The following PKHD1L1 variants were observed in gnomAD, a reference collection of about 807,000 sequenced individuals.
PKHD1L1 encodes PKHD1 like 1.
In PKHD1L1, 434 loss-of-function variants were observed where a neutral mutation model predicts 462.9. The observed-to-expected ratio is 0.94, with a 90% CI of 0.87 to 1.02. The LOEUF is 1.02. Ranked by LOEUF, PKHD1L1 falls within the 50% of genes least tolerant of loss-of-function variation. The pLI is 0.00. For synonymous variants in PKHD1L1, 1,781 were observed against 1,750.0 expected, an observed-to-expected ratio of 1.02 and a Z score of -0.44; for missense variants, 5,202 against 5,096.1, an observed-to-expected ratio of 1.02 and a Z score of -0.63.
chr8:109,404,523 AG>A, intron 14 of PKHD1L1, 30 bp from the exon 15 acceptor site: 1 of 1,361,604 alleles, frequency 7.3e-7, no homozygotes, highest in Non-Finnish European at 9.8e-7. Context: ...TCTGGAAAAA[AG>A]TTATATTCAT....
rs72687022 is a variant in PKHD1L1 at position 109,452,281 on chromosome 8, G to C, written c.6507+1G>C. 2 of 1,597,116 alleles carry C rather than the reference G, an allele frequency of 1.3e-6. No homozygotes were observed. Among genetic ancestry groups the C allele is most frequent in the Non-Finnish European group, 1.7e-6 (2 of 1,169,794 alleles). ...CAGAGGTGTCGGCATGGCCAAACTG[G>C]TAATAGTGCTGTTGGGTATAGTAAT... On this transcript the variant is annotated splice_donor_variant, in intron 42 of 77. Transcript: ENST00000378402. LOFTEE classifies it high-confidence loss of function.
rs555757678 is a variant in PKHD1L1, at chr8:109,489,175, A to G, written c.9881-777A>G. Among the ~76,000 whole-genome samples, 10 of 152,096 alleles carry G rather than the reference A, an allele frequency of 6.6e-5. No individual in the cohort carries two copies. In the East Asian group the frequency reaches 1.9e-3, roughly 29 times the overall value. The stretch of plus-strand genomic sequence containing the variant: ...AAGGTAGGCTTTCCTTTCTAGTACA[A>G]AATAACTTTTCTCCAACACATCCTA... On this transcript the variant is annotated intron_variant, in intron 59 of 77. Coordinates refer to ENST00000378402, the MANE Select transcript of PKHD1L1 (RefSeq NM_177531.6).
intron 76 of PKHD1L1, among the ~76,000 whole-genome samples, chr8:109,525,331 C>T (rs1820764263): frequency 6.6e-6 from 1 of 152,200 alleles, no homozygotes; most frequent in Non-Finnish European, 1.5e-5. Context: ...GAGAATATTA[C>T]TAACAGACAC....
chr8:109,389,655 G>A (rs775404591), intron 8 of PKHD1L1, among the ~76,000 whole-genome samples: 3 of 152,040 alleles, frequency 2.0e-5, no homozygotes, highest in South Asian at 2.1e-4. Flanking sequence ...AGCTTCCCGA[G>A]TAGCCGGGAT....
At chr8:109,493,088 T>C (rs1179952641) in intron 62 of PKHD1L1, among the ~76,000 whole-genome samples, 1 of 151,292 alleles carries the variant, frequency 6.6e-6, no homozygotes, top group Non-Finnish European at 1.5e-5. Flanking sequence ...TCCTAGCTAC[T>C]TGGGAGGTTG....
At chr8:109,460,427 T>C (rs1211241013) in intron 47 of PKHD1L1, among the ~76,000 whole-genome samples, 1 of 152,054 alleles carries the variant, frequency 6.6e-6, no homozygotes, top group Non-Finnish European at 1.5e-5. Context: ...GATGGAATGA[T>C]GGGGGGAAAA....
rs1397681068 is a variant in PKHD1L1, at chr8:109,461,873, G to A, written c.7348G>A (p.Ala2450Thr). Residue 2450 changes from alanine to threonine, a missense_variant, in exon 48 of 78, where the codon GCT becomes ACT. Physicochemically the swap from Ala to Thr is moderately conservative, Grantham distance 58. This residue lies in a region of PKHD1L1 where 4,497 missense variants were observed against 4,336.8 expected (regional missense o/e 1.04). Transcript: ENST00000378402. Reference protein sequence around the residue: ...CVMFHAPVPGANMVTGRIEYV... With the variant: ...CVMFHAPVPGTNMVTGRIEYV... ...TATGTTTCATGCTCCTGTACCTGGTGCTAACATGGTAACTGGGAGAATAGA... is the reference window on the plus strand; with the variant it reads ...TATGTTTCATGCTCCTGTACCTGGTACTAACATGGTAACTGGGAGAATAGA... The A allele has an allele frequency of 6.2e-7, 1 of 1,604,536 alleles. No homozygotes were observed. Among genetic ancestry groups the A allele is most frequent in the African/African-American group, 1.3e-5 (1 of 74,774 alleles).
chr8:109,414,970 T>C (rs949214529), intron 21 of PKHD1L1, among the ~76,000 whole-genome samples: 1,477 of 63,014 alleles, frequency 0.023, 15 homozygotes, highest in South Asian at 0.045. Flanking sequence ...ACATTATTAT[T>C]ATTATTATTA....
chr8:109,406,455 T>C lies in PKHD1L1; in HGVS notation c.1790T>C (p.Met597Thr), dbSNP rs1010014863. ...RTQNPQSYVY[M>T]VTFISTRGDF... The stretch of plus-strand genomic sequence containing the variant: ...CAAAATCCCCAGAGCTATGTCTACA[T>C]GGTAACATTCATATCAACTAGAGGT... Residue 597 changes from methionine (M) to threonine (T), a missense_variant, in exon 17 of 78, where the codon ATG becomes ACG. Physicochemically the swap from Met to Thr is moderately conservative, Grantham distance 81 (BLOSUM62 -1). This residue lies in a region of PKHD1L1 where 4,497 missense variants were observed against 4,336.8 expected (regional missense o/e 1.04). Transcript: ENST00000378402. 11 of 1,602,864 alleles carry C rather than the reference T, an allele frequency of 6.9e-6. No individual in the cohort carries two copies. The highest frequency in any genetic ancestry group is 2.7e-5 in the African/African-American group (2 of 74,720).
intron 14 of PKHD1L1, 73 bp downstream of exon 14, chr8:109,401,661 C>A: frequency 1.3e-6 from 1 of 747,946 alleles, no homozygotes; most frequent in Non-Finnish European, 2.1e-6. Context: ...AAAATATTTT[C>A]AATTTATTTT....
chr8:109,466,491 C>A, intron 49 of PKHD1L1, 87 bp from the exon 50 acceptor site: 1 of 1,307,780 alleles, frequency 7.6e-7, no homozygotes, highest in Non-Finnish European at 1.0e-6. Flanking sequence ...ATTAGTGGTA[C>A]TATGGGTCAC....
intron 70 of PKHD1L1, 122 bp from the exon 71 acceptor site, chr8:109,510,655 A>C (rs1203761781): frequency 7.0e-6 from 9 of 1,281,704 alleles, no homozygotes; most frequent in African/African-American, 1.5e-5. Context: ...AATAGGTATA[A>C]ATGCTGAACT....
intron 76 of PKHD1L1, among the ~76,000 whole-genome samples, chr8:109,524,216 G>A (rs1820705843): frequency 6.6e-6 from 1 of 152,046 alleles, no homozygotes; most frequent in Non-Finnish European, 1.5e-5. Flanking sequence ...ATAGTTAGGG[G>A]CCTTAACTTC....
chr8:109,466,464 C>G (rs1817443373), intron 49 of PKHD1L1, 114 bp from the exon 50 acceptor site: 1 of 1,086,354 alleles, frequency 9.2e-7, no homozygotes, highest in Non-Finnish European at 1.2e-6. Context: ...ACAAAACTAC[C>G]CAGACTTTTA....
intron 47 of PKHD1L1, 102 bp from the exon 48 acceptor site, chr8:109,461,670 A>G (rs1817131627): frequency 1.6e-6 from 2 of 1,241,572 alleles, no homozygotes; most frequent in East Asian, 2.5e-5. Context: ...GATGAGGTTG[A>G]GATCATATGT....
Position 109,532,833 on chromosome 8 carries a change from G to A in PKHD1L1, c.*2743G>A, listed in dbSNP as rs1281964162. 2.6e-5 allele frequency among the ~76,000 whole-genome samples: 4 copies of A among 152,084 alleles called. No individual in the cohort carries two copies. Among genetic ancestry groups the A allele is most frequent in the Non-Finnish European group, 5.9e-5 (4 of 68,014 alleles). On this transcript the variant is annotated 3_prime_UTR_variant, in exon 78 of 78. Coordinates refer to ENST00000378402, the MANE Select transcript of PKHD1L1 (RefSeq NM_177531.6). ...CCTTTTATCCATTTTATCCCCAAAA[G>A]TGCTATTTAAAATATCCCTAGCACT...
chr8:109,444,764 C>G lies in PKHD1L1; in HGVS notation c.4895C>G (p.Thr1632Ser), dbSNP rs1182185711. The G allele has an allele frequency of 1.2e-5, 19 of 1,613,906 alleles. No homozygotes were observed. The Middle Eastern group carries it at 2.0e-3, about 168-fold the overall frequency. The change falls in exon 38 of 78, where the codon ACT (threonine) becomes AGT (serine). Residue 1632 changes from threonine to serine, a missense_variant. Thr to Ser is a moderately conservative substitution (Grantham distance 58). Coordinates refer to ENST00000378402, the MANE Select transcript of PKHD1L1 (RefSeq NM_177531.6). ...QNSMDVGIRETVTLTVYNLGT... is the reference protein window; with the variant it reads ...QNSMDVGIRESVTLTVYNLGT... ...TCAATGGATGTTGGTATCAGGGAAA[C>G]TGTCACTTTGACTGTCTACAACCTG...
At chr8:109,412,807 A>G (rs1276893088) in intron 20 of PKHD1L1, among the ~76,000 whole-genome samples, 1 of 152,174 alleles carries the variant, frequency 6.6e-6, no homozygotes, top group Non-Finnish European at 1.5e-5. Flanking sequence ...GAAGTGAAAC[A>G]AAATTAGGAG....
chr8:109,374,156 C>A (rs534539566), intron 2 of PKHD1L1, among the ~76,000 whole-genome samples: 1 of 152,266 alleles, frequency 6.6e-6, no homozygotes, highest in South Asian at 2.1e-4. Flanking sequence ...TTAGGTCTCT[C>A]AGGACTTGAT....
Sources: gnomAD v4.1 joint callset for allele counts (sites outside exome capture counted in the v4.1 genomes callset) on GRCh38, gnomAD v4.1.1 for gene constraint, gnomAD v4.1.1 regional missense constraint, MANE v1.5 for transcripts, NCBI Gene and HGNC (gene_info 2026-07-23, HGNC 2026-07-21) for gene names.